TUBGCP3: variants seen among roughly 807,000 people sequenced by gnomAD.
The protein encoded by TUBGCP3 is gamma-tubulin complex component 3.
Under a neutral mutation model 123.1 loss-of-function variants are expected in TUBGCP3, and 50 were observed. The observed-to-expected ratio is 0.41, with a 90% CI of 0.32 to 0.51. The LOEUF is 0.51. Among genes scored for constraint, TUBGCP3 ranks in the 20% least tolerant of loss-of-function variants. TUBGCP3 has a pLI of 0.36. For missense variants in TUBGCP3, 882 were observed against 1,127.0 expected (o/e 0.78, Z 3.11); for synonymous variants, 405 against 413.9 (o/e 0.98, Z 0.26).
At chr13:112,533,526 A>T (rs1032460596) in intron 11 of TUBGCP3, among the ~76,000 whole-genome samples, 9 of 151,930 alleles carry the variant, frequency 5.9e-5, no homozygotes, top group African/African-American at 2.2e-4. Flanking sequence ...CACTAACCTC[A>T]CTAACCTCAC....
At chr13:112,521,778 G>T (rs1447254484) in intron 14 of TUBGCP3, 3 of 985,310 alleles carry the variant, frequency 3.0e-6, no homozygotes, top group Non-Finnish European at 3.6e-6. Flanking sequence ...GGCTCACGCT[G>T]CCTGGGCCGG....
At chr13:112,568,866 T>C (rs1312821659) in intron 2 of TUBGCP3, among the ~76,000 whole-genome samples, 3 of 152,210 alleles carry the variant, frequency 2.0e-5, no homozygotes, top group African/African-American at 7.2e-5. Context: ...CTGCCAGGGA[T>C]AATCAGATAA....
chr13:112,488,330 T>C (rs1357194458), intron 21 of TUBGCP3, among the ~76,000 whole-genome samples: 1 of 150,858 alleles, frequency 6.6e-6, no homozygotes, highest in Admixed American at 6.6e-5. Flanking sequence ...ATGAAATCTT[T>C]TCATCTCTAC....
chr13:112,490,975 T>C (rs188609834), intron 20 of TUBGCP3, among the ~76,000 whole-genome samples: 5 of 152,356 alleles, frequency 3.3e-5, no homozygotes, highest in Admixed American at 3.3e-4. Context: ...AGTAGATTTT[T>C]TTCCACAGAG....
chr13:112,547,026 A>G (rs187133121), intron 10 of TUBGCP3: 3 of 160,174 alleles, frequency 1.9e-5, no homozygotes, highest in African/African-American at 7.2e-5. Context: ...GGAGAAGGCA[A>G]AGAGGTTCTT....
At position 112,588,115 on chromosome 13, in the gene TUBGCP3, C is replaced by G; in HGVS notation, c.-135G>C. 1 of 687,740 alleles carries G rather than the reference C, an allele frequency of 1.5e-6. No individual in the cohort carries two copies. The highest frequency in any genetic ancestry group is 2.1e-6 in the Non-Finnish European group (1 of 474,990). 42.6% of individuals were successfully genotyped at this position (687,740 alleles called of 1,614,324 possible). On this transcript the variant is annotated 5_prime_UTR_variant, in exon 1 of 22. Transcript: ENST00000261965. Reference sequence around the variant, plus strand: ...CAGGCTAAGGCGCGGGCGCCGCCGGCCACCAGGGCGCCATTTTAACGGAAC... The same window carrying G: ...CAGGCTAAGGCGCGGGCGCCGCCGGGCACCAGGGCGCCATTTTAACGGAAC...
the TUBGCP3 span, among the ~76,000 whole-genome samples, chr13:112,593,553 A>G: frequency 6.6e-6 from 1 of 152,184 alleles, no homozygotes; most frequent in African/African-American, 2.4e-5. Flanking sequence ...CGTGCCTGCA[A>G]TCCCAGCTAC....
intron 11 of TUBGCP3, among the ~76,000 whole-genome samples, chr13:112,537,536 TTC>T (rs1307488693): frequency 1.3e-5 from 2 of 152,210 alleles, no homozygotes; most frequent in African/African-American, 4.8e-5. Context: ...TGCTGATGAA[TTC>T]TGTTTTCCAG....
intron 8 of TUBGCP3, among the ~76,000 whole-genome samples, chr13:112,551,621 C>A (rs560495348): frequency 1.3e-5 from 2 of 152,280 alleles, no homozygotes; most frequent in South Asian, 4.2e-4. Context: ...CACGTCACAC[C>A]CTAGTCCATA....
intron 10 of TUBGCP3, 54 bp downstream of exon 10, chr13:112,547,562 TCGCG>T: frequency 1.5e-6 from 2 of 1,333,866 alleles, no homozygotes; most frequent in South Asian, 3.5e-5. Context: ...CGTGGGAAAG[TCGCG>T]CGTGGGAAAG....
intron 11 of TUBGCP3, chr13:112,544,481 A>G (rs551387674): frequency 6.8e-6 from 1 of 147,734 alleles, no homozygotes; most frequent in Non-Finnish European, 1.5e-5. Context: ...AAAAAAATGC[A>G]TCCCCACAAC....
chr13:112,599,006 AAAG>A, the TUBGCP3 span, among the ~76,000 whole-genome samples: 3 of 151,702 alleles, frequency 2.0e-5, no homozygotes, highest in African/African-American at 4.8e-5. Flanking sequence ...TACAAAAAAA[AAAG>A]AAAGAAAAAT....
At chr13:112,593,539 G>A in the TUBGCP3 span, among the ~76,000 whole-genome samples, 3 of 152,158 alleles carry the variant, frequency 2.0e-5, no homozygotes, top group African/African-American at 7.2e-5. Context: ...CAGGCATGCT[G>A]CCGCGTGCCT....
chr13:112,576,328 C>G (rs1207395166), intron 1 of TUBGCP3, among the ~76,000 whole-genome samples: 1 of 152,104 alleles, frequency 6.6e-6, no homozygotes, highest in African/African-American at 2.4e-5. Flanking sequence ...CAAGGGGTTG[C>G]AGTAGAAGAA....
rs1364443911 is a variant in TUBGCP3, at chr13:112,524,449, C to T, written c.1556-1940G>A. ...AGCAGGCGCATGGGGACGCCCTGTCCCAGGCACAGCCCATGTGTGCGCCGC... is the reference window on the plus strand; with the variant it reads ...AGCAGGCGCATGGGGACGCCCTGTCTCAGGCACAGCCCATGTGTGCGCCGC... On this transcript the variant is annotated intron_variant, in intron 13 of 21. Transcript: ENST00000261965. The surrounding 1 kb of genome is among the most constrained non-coding windows in gnomAD (Gnocchi z 4.4). 6.6e-6 allele frequency among the ~76,000 whole-genome samples: 1 copy of T among 152,170 alleles called. No individual in the cohort carries two copies. Among genetic ancestry groups the T allele is most frequent in the Non-Finnish European group, 1.5e-5 (1 of 68,022 alleles).
rs375759715 is a variant in TUBGCP3, at chr13:112,548,847, G to T, written c.967-671C>A. On this transcript the variant is annotated intron_variant, in intron 8 of 21. Coordinates refer to ENST00000261965, the MANE Select transcript of TUBGCP3 (RefSeq NM_006322.6). ...AAGTCAGGAAACAACAGGTGCTGGAGAGGATGTGGAGAAATAGGAACACTT... is the reference window on the plus strand; with the variant it reads ...AAGTCAGGAAACAACAGGTGCTGGATAGGATGTGGAGAAATAGGAACACTT... 3.9e-5 allele frequency among the ~76,000 whole-genome samples: 6 copies of T among 152,314 alleles called. No individual in the cohort carries two copies. The South Asian group carries it at 1.2e-3, about 32-fold the overall frequency.
chr13:112,592,058 G>A (rs1398575569), upstream of TUBGCP3, among the ~76,000 whole-genome samples: 1 of 152,148 alleles, frequency 6.6e-6, no homozygotes. The surrounding 1 kb of genome is among the most constrained non-coding windows in gnomAD (Gnocchi z 4.1). Context: ...CATAGTGACC[G>A]GGTGTTTACT....
intron 11 of TUBGCP3, among the ~76,000 whole-genome samples, chr13:112,538,981 C>G (rs1878285749): frequency 1.3e-5 from 2 of 152,170 alleles, no homozygotes; most frequent in South Asian, 4.1e-4. Context: ...GAGAACCTCA[C>G]CAAAACTAAT....
intron 16 of TUBGCP3, among the ~76,000 whole-genome samples, chr13:112,518,526 T>G (rs191025420): frequency 2.6e-5 from 4 of 152,350 alleles, no homozygotes; most frequent in African/African-American, 7.2e-5. Context: ...GTGGTAACTG[T>G]TATGTAGGTA....
Sources: gnomAD v4.1 joint callset for allele counts (sites outside exome capture counted in the v4.1 genomes callset) on GRCh38, gnomAD v4.1.1 for gene constraint, Gnocchi (gnomAD v3.1) non-coding constraint, MANE v1.5 for transcripts, NCBI Gene and HGNC (gene_info 2026-07-23, HGNC 2026-07-21) for gene names.